The following TMEM163 variants were observed in gnomAD, a reference collection of about 807,000 sequenced individuals.
The protein encoded by TMEM163 is transmembrane protein 163.
In TMEM163, 17 loss-of-function variants were observed where a neutral mutation model predicts 29.3. That is an observed-to-expected ratio of 0.58 (90% CI 0.40 to 0.87). TMEM163 has a LOEUF of 0.87. TMEM163 is among the 40% of genes least tolerant of loss of function. TMEM163 has a pLI of 0.00. For synonymous variants in TMEM163, 157 were observed against 160.6 expected, an observed-to-expected ratio of 0.98 and a Z score of 0.17; for missense variants, 303 against 381.5, an observed-to-expected ratio of 0.79 and a Z score of 1.71.
intron 2 of TMEM163, among the ~76,000 whole-genome samples, chr2:134,593,869 C>CAATG (rs1450102647): frequency 6.6e-6 from 1 of 150,996 alleles, no homozygotes; most frequent in African/African-American, 2.4e-5. Context: ...TGCCTTGTAG[C>CAATG]AATGCGATTA....
At chr2:134,596,292 A>C (rs1682081935) in intron 2 of TMEM163, among the ~76,000 whole-genome samples, 1 of 152,138 alleles carries the variant, frequency 6.6e-6, no homozygotes, top group African/African-American at 2.4e-5. Context: ...TTTTTGTATA[A>C]GGTGTAAGGA....
At chr2:134,710,235 C>G (rs1684898027) in intron 2 of TMEM163, among the ~76,000 whole-genome samples, 2 of 152,194 alleles carry the variant, frequency 1.3e-5, no homozygotes, top group African/African-American at 2.4e-5. Flanking sequence ...TGAGACCTGT[C>G]TCAGAGACTT....
intron 2 of TMEM163, among the ~76,000 whole-genome samples, chr2:134,626,237 T>G (rs1682848786): frequency 6.6e-6 from 1 of 151,344 alleles, no homozygotes; most frequent in Non-Finnish European, 1.5e-5. Context: ...CCCGAGTAAC[T>G]GGCATTATAG....
intron 2 of TMEM163, among the ~76,000 whole-genome samples, chr2:134,693,996 G>T (rs1351289001): frequency 6.6e-6 from 1 of 152,144 alleles, no homozygotes; most frequent in Non-Finnish European, 1.5e-5. Flanking sequence ...AGGGCAGAGT[G>T]TGAATACTCT....
intron 2 of TMEM163, among the ~76,000 whole-genome samples, chr2:134,598,147 C>T (rs1264222591): frequency 6.6e-6 from 1 of 152,098 alleles, no homozygotes; most frequent in East Asian, 1.9e-4. Flanking sequence ...TTTAAACTGA[C>T]CTCCACTTAC....
intron 5 of TMEM163, among the ~76,000 whole-genome samples, chr2:134,477,555 A>G (rs996872509): frequency 2.0e-5 from 3 of 152,240 alleles, no homozygotes; most frequent in Non-Finnish European, 2.9e-5. Flanking sequence ...AATGACATCA[A>G]TAAAGACTCA....
intron 2 of TMEM163, among the ~76,000 whole-genome samples, chr2:134,568,345 T>G (rs1681341659): frequency 6.6e-6 from 1 of 152,010 alleles, no homozygotes; most frequent in Non-Finnish European, 1.5e-5. Context: ...GCCAACATGG[T>G]GAAACCCTGT....
chr2:134,713,155 G>A lies in TMEM163; in HGVS notation c.322+45C>T, dbSNP rs780637049. On this transcript the variant is annotated intron_variant, in intron 2 of 7. Transcript: ENST00000281924. ...TCCCACAGGAATTAGAGAATAAAAC[G>A]GGCAACAGCAGCACATATTGGCCGA... is the stretch of plus-strand genomic sequence containing the variant. 21 of 1,588,744 alleles carry A rather than the reference G, an allele frequency of 1.3e-5. No individual in the cohort carries two copies. The South Asian group carries it at 1.5e-4, about 11-fold the overall frequency.
Position 134,491,684 on chromosome 2 carries a change from C to T in TMEM163, c.555+11217G>A, listed in dbSNP as rs1679432450. Among the ~76,000 whole-genome samples the T allele has an allele frequency of 2.0e-5, 3 of 152,178 alleles. No homozygotes were observed. In the South Asian group the frequency reaches 6.2e-4, roughly 32 times the overall value. On this transcript the variant is annotated intron_variant, in intron 5 of 7. Coordinates refer to ENST00000281924, the MANE Select transcript of TMEM163 (RefSeq NM_030923.5). ...TCCTTGTTATTAAATGGCAATGTGT[C>T]TAACGCCTCTGCCTACTTCAGAAAC...
chr2:134,607,723 G>A (rs865808506), intron 2 of TMEM163, among the ~76,000 whole-genome samples: 13 of 67,064 alleles, frequency 1.9e-4, no homozygotes, highest in African/African-American at 3.4e-4. Context: ...CGAGAACTGT[G>A]CTGGTGAAAA....
At chr2:134,536,628 A>T (rs945050731) in intron 4 of TMEM163, among the ~76,000 whole-genome samples, 1 of 152,188 alleles carries the variant, frequency 6.6e-6, no homozygotes, top group African/African-American at 2.4e-5. Context: ...AAACTGGAAG[A>T]GCGAAACCTC....
intron 4 of TMEM163, among the ~76,000 whole-genome samples, chr2:134,523,800 T>C (rs1406367135): frequency 6.6e-6 from 1 of 152,160 alleles, no homozygotes; most frequent in African/African-American, 2.4e-5. Flanking sequence ...CCAGTGGTTC[T>C]CACCTGAGGA....
intron 4 of TMEM163, among the ~76,000 whole-genome samples, chr2:134,546,909 A>G (rs1222826245): frequency 6.6e-6 from 1 of 152,222 alleles, no homozygotes; most frequent in Non-Finnish European, 1.5e-5. Flanking sequence ...CCTTGAGGAC[A>G]TTATGCTAAC....
intron 2 of TMEM163, among the ~76,000 whole-genome samples, chr2:134,564,198 C>T (rs1681243712): frequency 6.6e-6 from 1 of 152,114 alleles, no homozygotes; most frequent in South Asian, 2.1e-4. Flanking sequence ...CAAGGATAAA[C>T]AAAGAGACCA....
intron 2 of TMEM163, among the ~76,000 whole-genome samples, chr2:134,575,051 G>A (rs1014665439): frequency 6.6e-6 from 1 of 151,712 alleles, no homozygotes; most frequent in Non-Finnish European, 1.5e-5. Flanking sequence ...CTGTGGGGGG[G>A]TGGGGGAAGG....
chr2:134,477,312 T>C (rs1429806897), intron 5 of TMEM163, among the ~76,000 whole-genome samples: 1 of 152,198 alleles, frequency 6.6e-6, no homozygotes, highest in African/African-American at 2.4e-5. Flanking sequence ...GATAGACACA[T>C]AAGCCACTAA....
chr2:134,596,613 T>C (rs1682089621), intron 2 of TMEM163, among the ~76,000 whole-genome samples: 3 of 152,244 alleles, frequency 2.0e-5, no homozygotes. Context: ...TTTGGTTCCA[T>C]ATGAACTTTA....
rs188870986 is a variant in TMEM163 at position 134,595,784 on chromosome 2, C to T, written c.323-43693G>A. Among the ~76,000 whole-genome samples, 615 of 152,294 alleles carry T rather than the reference C, an allele frequency of 4.0e-3. 3 individuals are homozygous for T. Among genetic ancestry groups the T allele is most frequent in the South Asian group, 9.3e-3 (45 of 4,826 alleles). ...ACATGCTCTCCAGCACCTGTTGTTTCCTGACTTTTTAATGACTGCCATTCT... is the reference window on the plus strand; with the variant it reads ...ACATGCTCTCCAGCACCTGTTGTTTTCTGACTTTTTAATGACTGCCATTCT... On this transcript the variant is annotated intron_variant, in intron 2 of 7. Coordinates refer to ENST00000281924, the MANE Select transcript of TMEM163 (RefSeq NM_030923.5).
intron 2 of TMEM163, among the ~76,000 whole-genome samples, chr2:134,560,555 A>G (rs1681145819): frequency 6.6e-6 from 1 of 152,180 alleles, no homozygotes; most frequent in Admixed American, 6.5e-5. Flanking sequence ...CTGGGGCACA[A>G]TGGAGAAACC....
Sources: allele counts gnomAD v4.1 joint callset (sites outside exome capture counted in the v4.1 genomes callset), GRCh38; gene constraint gnomAD v4.1.1; transcripts MANE v1.5; gene names NCBI Gene and HGNC (gene_info 2026-07-23, HGNC 2026-07-21).